CADM2: variants seen among roughly 807,000 people sequenced by gnomAD.
CADM2 encodes the protein cell adhesion molecule 2.
A neutral mutation model predicts 49.8 loss-of-function variants in CADM2; 12 were observed. The observed-to-expected ratio is 0.24, with a 90% CI of 0.15 to 0.39. The LOEUF is 0.39. Ranked by LOEUF, CADM2 falls within the 10% of genes least tolerant of loss-of-function variation. The probability of loss-of-function intolerance (pLI) is 1.00; values close to 1 mark genes in which losing one functional copy is unlikely to be tolerated. For missense variants in CADM2, 378 were observed against 492.3 expected, an observed-to-expected ratio of 0.77 and a Z score of 2.20; for synonymous variants, 214 against 175.4, an observed-to-expected ratio of 1.22 and a Z score of -1.74.
At chr3:85,235,684 A>AT in intron 1 of CADM2, among the ~76,000 whole-genome samples, 1 of 152,128 alleles carries the variant, frequency 6.6e-6, no homozygotes, top group East Asian at 1.9e-4. Flanking sequence ...AGTATATAGT[A>AT]TTTTGAAGTG....
intron 1 of CADM2, among the ~76,000 whole-genome samples, chr3:85,267,668 G>A (rs1245898085): frequency 6.6e-6 from 1 of 151,350 alleles, no homozygotes; most frequent in Non-Finnish European, 1.5e-5. Context: ...TATATACTAT[G>A]TTAAAAATTA....
intron 3 of CADM2, among the ~76,000 whole-genome samples, chr3:85,849,566 T>A (rs1269222747): frequency 6.6e-6 from 1 of 152,240 alleles, no homozygotes; most frequent in African/African-American, 2.4e-5. Context: ...ATTACATTTT[T>A]ATTTTATTAG....
chr3:85,527,970 T>G (rs1030391413), intron 1 of CADM2, among the ~76,000 whole-genome samples: 3 of 152,220 alleles, frequency 2.0e-5, no homozygotes, highest in Non-Finnish European at 2.9e-5. Context: ...TAAAAATGTT[T>G]TAACAATTCA....
At chr3:85,789,782 C>T (rs1419415188) in intron 2 of CADM2, among the ~76,000 whole-genome samples, 2 of 151,900 alleles carry the variant, frequency 1.3e-5, no homozygotes, top group Non-Finnish European at 2.9e-5. Flanking sequence ...TGTTATGAAG[C>T]CATATATTCG....
intron 1 of CADM2, among the ~76,000 whole-genome samples, chr3:85,220,099 A>G (rs1008383877): frequency 2.6e-5 from 4 of 152,118 alleles, no homozygotes; most frequent in Non-Finnish European, 5.9e-5. Flanking sequence ...TCTGAAATAC[A>G]CTAGAAATCC....
chr3:86,012,509 G>A (rs1337815233), intron 8 of CADM2: 14 of 1,229,576 alleles, frequency 1.1e-5, no homozygotes, highest in Non-Finnish European at 1.6e-5. Flanking sequence ...CGGGCGGACT[G>A]CCCTGAGGAG....
chr3:86,052,293 T>C (rs1559826694), intron 8 of CADM2, among the ~76,000 whole-genome samples: 1 of 152,184 alleles, frequency 6.6e-6, no homozygotes, highest in Non-Finnish European at 1.5e-5. Context: ...GGTTCTATCA[T>C]TAAAATTCTG....
At chr3:85,869,318 CT>C (rs992483366) in intron 3 of CADM2, among the ~76,000 whole-genome samples, 17 of 148,568 alleles carry the variant, frequency 1.1e-4, no homozygotes, top group East Asian at 2.0e-4. Flanking sequence ...TGGAATAAAA[CT>C]TTTTTTTTTA....
intron 1 of CADM2, among the ~76,000 whole-genome samples, chr3:85,687,445 TA>T (rs1313312818): frequency 6.6e-6 from 1 of 152,058 alleles, no homozygotes; most frequent in Non-Finnish European, 1.5e-5. Context: ...TGAAAGTAAT[TA>T]AAAATTGTGG....
intron 1 of CADM2, among the ~76,000 whole-genome samples, chr3:85,627,104 T>A (rs1303704198): frequency 6.6e-6 from 1 of 152,050 alleles, no homozygotes; most frequent in Non-Finnish European, 1.5e-5. Context: ...TCATTAAATT[T>A]TTTTTTTAAA....
At chr3:85,592,213 CAAG>C (rs1379572040) in intron 1 of CADM2, among the ~76,000 whole-genome samples, 1 of 151,626 alleles carries the variant, frequency 6.6e-6, no homozygotes, top group African/African-American at 2.4e-5. Flanking sequence ...AATGCAAACA[CAAG>C]AAGAGAGAAA....
At chr3:85,637,287 G>A (rs115653920) in intron 1 of CADM2, among the ~76,000 whole-genome samples, 2,809 of 152,092 alleles carry the variant, frequency 0.018, 89 homozygotes, top group African/African-American at 0.055. Flanking sequence ...AGAACGTCTT[G>A]AAATAATTTC....
At chr3:85,753,270 A>G (rs959937670) in intron 2 of CADM2, among the ~76,000 whole-genome samples, 29 of 152,156 alleles carry the variant, frequency 1.9e-4, no homozygotes, top group African/African-American at 6.3e-4. Context: ...ATGAAGCAAG[A>G]AAGAAAGGAC....
chr3:85,850,535 T>C (rs573506646), intron 3 of CADM2, among the ~76,000 whole-genome samples: 87 of 151,848 alleles, frequency 5.7e-4, no homozygotes, highest in African/African-American at 2.0e-3. Context: ...TCACCATGTT[T>C]GCAAGGATGG....
At chr3:85,496,919 C>A (rs1174822657) in intron 1 of CADM2, among the ~76,000 whole-genome samples, 1 of 152,200 alleles carries the variant, frequency 6.6e-6, no homozygotes, top group Non-Finnish European at 1.5e-5. Flanking sequence ...TCTCGGCTCA[C>A]TGCAACCTCC....
At chr3:85,230,174 G>C (rs764954865) in intron 1 of CADM2, among the ~76,000 whole-genome samples, 1 of 152,084 alleles carries the variant, frequency 6.6e-6, no homozygotes, top group African/African-American at 2.4e-5. Flanking sequence ...ACAGCAAGGA[G>C]TATATTATGA....
intron 1 of CADM2, among the ~76,000 whole-genome samples, chr3:85,246,788 C>G (rs796116426): frequency 3.2e-4 from 48 of 152,194 alleles, no homozygotes; most frequent in African/African-American, 1.1e-3. Flanking sequence ...GTAAAAATCT[C>G]AGGAAAAATA....
intron 1 of CADM2, among the ~76,000 whole-genome samples, chr3:85,379,738 T>C (rs946122901): frequency 6.6e-6 from 1 of 152,062 alleles, no homozygotes; most frequent in Admixed American, 6.6e-5. Flanking sequence ...GATTGTTTCC[T>C]TTTTTCATCA....
At chr3:85,272,732 G>T (rs2043270258) in intron 1 of CADM2, among the ~76,000 whole-genome samples, 1 of 151,124 alleles carries the variant, frequency 6.6e-6, no homozygotes, top group African/African-American at 2.4e-5. Context: ...TTGAGAATAG[G>T]TTCTTTCAGA....
Sources: allele counts gnomAD v4.1 joint callset (sites outside exome capture counted in the v4.1 genomes callset), GRCh38; gene constraint gnomAD v4.1.1; transcripts MANE v1.5; gene names NCBI Gene and HGNC (gene_info 2026-07-23, HGNC 2026-07-21).